MDGA2: variants seen among roughly 807,000 people sequenced by gnomAD.
MDGA2 encodes the protein MAM domain-containing glycosylphosphatidylinositol anchor protein 2.
Under a neutral mutation model 117.8 loss-of-function variants are expected in MDGA2, and 40 were observed. That is an observed-to-expected ratio of 0.34 (90% CI 0.26 to 0.44). The LOEUF (loss-of-function observed/expected upper bound fraction) is 0.44. MDGA2 is among the 20% of genes least tolerant of loss of function. The pLI is 1.00. For synonymous variants in MDGA2, 452 were observed against 439.0 expected, an observed-to-expected ratio of 1.03 and a Z score of -0.37; for missense variants, 1,123 against 1,250.6, an observed-to-expected ratio of 0.90 and a Z score of 1.54.
chr14:46,854,049 T>C (rs1454179179), intron 15 of MDGA2, among the ~76,000 whole-genome samples: 2 of 151,786 alleles, frequency 1.3e-5, no homozygotes, highest in South Asian at 4.1e-4. Context: ...TGACTATGTA[T>C]TTTTATCATC....
chr14:47,430,857 CA>C, intron 1 of MDGA2, among the ~76,000 whole-genome samples: 1 of 152,004 alleles, frequency 6.6e-6, no homozygotes, highest in East Asian at 1.9e-4. Context: ...TGACTAGGGG[CA>C]AGTTAATTAA....
At chr14:46,887,926 A>G (rs572275887) in intron 10 of MDGA2, among the ~76,000 whole-genome samples, 3 of 152,092 alleles carry the variant, frequency 2.0e-5, no homozygotes, top group African/African-American at 7.2e-5. Flanking sequence ...TGATGTTAAC[A>G]TAAGTTTAAA....
At chr14:47,047,962 C>T (rs900607256) in intron 7 of MDGA2, among the ~76,000 whole-genome samples, 1 of 152,004 alleles carries the variant, frequency 6.6e-6, no homozygotes, top group Non-Finnish European at 1.5e-5. Flanking sequence ...TCTGAATAGT[C>T]AGAGGCATTC....
intron 3 of MDGA2, among the ~76,000 whole-genome samples, chr14:47,157,622 T>C (rs1883448537): frequency 6.6e-6 from 1 of 151,472 alleles, no homozygotes; most frequent in Non-Finnish European, 1.5e-5. Flanking sequence ...TGTGTGTGTG[T>C]GTGTGTGTGT....
At chr14:46,992,548 C>G (rs1394327385) in intron 8 of MDGA2, among the ~76,000 whole-genome samples, 2 of 152,154 alleles carry the variant, frequency 1.3e-5, no homozygotes, top group East Asian at 3.9e-4. Context: ...ATCATTTATG[C>G]TTAAATTTAT....
intron 5 of MDGA2, among the ~76,000 whole-genome samples, chr14:47,114,175 A>G (rs1253221661): frequency 6.6e-6 from 1 of 152,094 alleles, no homozygotes; most frequent in Non-Finnish European, 1.5e-5. Context: ...AAAGAGAATA[A>G]AATACCAAAG....
chr14:46,858,514 G>A (rs1202361778), intron 14 of MDGA2, among the ~76,000 whole-genome samples: 9 of 143,580 alleles, frequency 6.3e-5, no homozygotes, highest in East Asian at 2.1e-4. Flanking sequence ...TGAAAGCTCC[G>A]CCTCCCGGGT....
At chr14:47,435,356 T>C (rs79298506) in intron 1 of MDGA2, among the ~76,000 whole-genome samples, 1,716 of 152,250 alleles carry the variant, frequency 0.011, 16 homozygotes, top group Non-Finnish European at 0.019. Flanking sequence ...CAAATATTTT[T>C]GGCTGCTGTA....
intron 8 of MDGA2, among the ~76,000 whole-genome samples, chr14:47,012,418 T>C (rs967828349): frequency 2.0e-5 from 3 of 152,172 alleles, no homozygotes; most frequent in Non-Finnish European, 2.9e-5. Flanking sequence ...TAGTGTCAAC[T>C]ACTGAACTGT....
At chr14:47,187,891 T>C (rs1376260539) in intron 3 of MDGA2, among the ~76,000 whole-genome samples, 3 of 151,864 alleles carry the variant, frequency 2.0e-5, no homozygotes, top group Non-Finnish European at 4.4e-5. Context: ...TTAACTACAT[T>C]GTTCATGTTT....
intron 1 of MDGA2, among the ~76,000 whole-genome samples, chr14:47,540,420 T>A (rs1210230631): frequency 6.6e-6 from 1 of 151,866 alleles, no homozygotes; most frequent in Admixed American, 6.6e-5. Flanking sequence ...CCTTTCCTGC[T>A]TTTTCTCTTA....
At chr14:47,218,422 C>T (rs559055893) in intron 2 of MDGA2, among the ~76,000 whole-genome samples, 154 of 152,196 alleles carry the variant, frequency 1.0e-3, no homozygotes, top group African/African-American at 3.6e-3. Flanking sequence ...GCATAGAATT[C>T]ATCAATTGCC....
chr14:47,609,444 T>TATATATATATATATATATATATATAC (rs1566539690), intron 1 of MDGA2, among the ~76,000 whole-genome samples: 1 of 78,712 alleles, frequency 1.3e-5, no homozygotes, highest in Non-Finnish European at 2.6e-5. Context: ...TATATATATA[T>TATATATATATATATATATATATATAC]ATATATATAT....
intron 1 of MDGA2, among the ~76,000 whole-genome samples, chr14:47,403,379 CT>C (rs1383450843): frequency 3.3e-5 from 5 of 152,130 alleles, no homozygotes; most frequent in Admixed American, 3.3e-4. Flanking sequence ...TATCAGTCTT[CT>C]TTGTAAACTC....
At chr14:47,269,788 T>C (rs894479340) in intron 2 of MDGA2, among the ~76,000 whole-genome samples, 1 of 152,196 alleles carries the variant, frequency 6.6e-6, no homozygotes, top group Non-Finnish European at 1.5e-5. Flanking sequence ...AAGCAAGTGA[T>C]ATAGCATCAT....
chr14:46,954,123 G>A (rs949129488), intron 9 of MDGA2, among the ~76,000 whole-genome samples: 18 of 151,896 alleles, frequency 1.2e-4, no homozygotes, highest in Non-Finnish European at 2.9e-5. Context: ...CTGAAACCTC[G>A]CAGGTTGATT....
chr14:47,389,607 CACA>C (rs1891844406), intron 1 of MDGA2, among the ~76,000 whole-genome samples: 1 of 95,702 alleles, frequency 1.0e-5, no homozygotes, highest in African/African-American at 4.0e-5. Context: ...CACACACACC[CACA>C]CACACACACA....
At chr14:47,123,972 AT>A (rs1468971372) in intron 5 of MDGA2, among the ~76,000 whole-genome samples, 2 of 152,130 alleles carry the variant, frequency 1.3e-5, no homozygotes, top group African/African-American at 2.4e-5. Context: ...GTTAAAACTT[AT>A]GCAAAAGAGT....
At chr14:47,465,952 A>T (rs888043598) in intron 1 of MDGA2, among the ~76,000 whole-genome samples, 4 of 152,176 alleles carry the variant, frequency 2.6e-5, no homozygotes, top group African/African-American at 7.2e-5. Flanking sequence ...GACAGATTGT[A>T]CAAGGTACAT....
Sources: allele counts gnomAD v4.1 joint callset (sites outside exome capture counted in the v4.1 genomes callset), GRCh38; gene constraint gnomAD v4.1.1; transcripts MANE v1.5; gene names NCBI Gene and HGNC (gene_info 2026-07-23, HGNC 2026-07-21).